The following UTRN variants were observed in gnomAD, a reference collection of about 807,000 sequenced individuals.
UTRN encodes the protein utrophin, also known as dystrophin-related protein 1.
UTRN carries 283 observed loss-of-function variants against 463.9 expected under a neutral mutation model. The observed-to-expected ratio is 0.61, with a 90% CI of 0.55 to 0.67. The LOEUF is 0.67. Among genes scored for constraint, UTRN ranks in the 30% least tolerant of loss-of-function variants. UTRN has a pLI of 0.00. For synonymous variants in UTRN, 1,442 were observed against 1,431.5 expected (o/e 1.01, Z -0.17); for missense variants, 3,922 against 4,084.3 (o/e 0.96, Z 1.08).
At chr6:144,576,994 G>C (rs1801499470) in intron 50 of UTRN, 105 bp from the exon 51 acceptor site, 2 of 1,054,996 alleles carry the variant, frequency 1.9e-6, no homozygotes, top group East Asian at 5.2e-5. Context: ...TTGAATAAAA[G>C]GTCCTTTGGG....
At chr6:144,527,601 T>C (rs1796676046) in intron 41 of UTRN, among the ~76,000 whole-genome samples, 1 of 152,268 alleles carries the variant, frequency 6.6e-6, no homozygotes, top group Non-Finnish European at 1.5e-5. Context: ...TAGATACTTT[T>C]GGATTTCTCT....
rs749044367 is a variant in UTRN, at chr6:144,440,450, T to C, written c.1491T>C (p.Ala497=). 6.2e-7 allele frequency: 1 copy of C among 1,614,182 alleles called. No homozygotes were observed. The highest frequency in any genetic ancestry group is 1.7e-5 in the Admixed American group (1 of 60,022). The change falls in exon 13 of 75, where the codon GCT becomes GCC. Residue 497 remains alanine, a synonymous_variant. Transcript: ENST00000367545. ...VDENSGESAT[A]ILEDQLQKLG... is the part of the protein sequence containing the mutation. ...AAAACAGTGGTGAGAGTGCTACAGC[T>C]ATCCTAGAAGACCAGTTACAGGTAA...
At chr6:144,685,429 CT>C (rs2128688432) in intron 52 of UTRN, among the ~76,000 whole-genome samples, 1 of 152,078 alleles carries the variant, frequency 6.6e-6, no homozygotes, top group East Asian at 1.9e-4. Flanking sequence ...AGTGGATGTA[CT>C]TTTAGTTCTT....
intron 2 of UTRN, among the ~76,000 whole-genome samples, chr6:144,360,155 C>G (rs1174117938): frequency 7.4e-6 from 1 of 135,172 alleles, no homozygotes; most frequent in Non-Finnish European, 1.6e-5. Context: ...TCTTTTCTCT[C>G]TTTCCTTTCT....
intron 65 of UTRN, among the ~76,000 whole-genome samples, chr6:144,809,040 G>T (rs2128749323): frequency 6.6e-6 from 1 of 152,222 alleles, no homozygotes; most frequent in African/African-American, 2.4e-5. Context: ...GGGATTACTG[G>T]ATGATATGAT....
chr6:144,346,910 T>TATCTATC (rs1562275394), intron 2 of UTRN, among the ~76,000 whole-genome samples: 101 of 146,390 alleles, frequency 6.9e-4, no homozygotes, highest in African/African-American at 2.5e-3. Context: ...ATCTATCATC[T>TATCTATC]ATCTATCTAT....
intron 43 of UTRN, among the ~76,000 whole-genome samples, chr6:144,535,758 A>G (rs1293209693): frequency 6.6e-6 from 1 of 152,186 alleles, no homozygotes; most frequent in Non-Finnish European, 1.5e-5. Flanking sequence ...AAGTATTTGC[A>G]TAGTTCAGCA....
intron 51 of UTRN, among the ~76,000 whole-genome samples, chr6:144,590,320 A>G (rs913066170): frequency 1.3e-5 from 2 of 152,326 alleles, no homozygotes; most frequent in African/African-American, 4.8e-5. Flanking sequence ...ATTTCCATCC[A>G]TATTAAAATA....
intron 51 of UTRN, among the ~76,000 whole-genome samples, chr6:144,587,901 G>C (rs1802624026): frequency 6.6e-6 from 1 of 152,078 alleles, no homozygotes; most frequent in African/African-American, 2.4e-5. Flanking sequence ...TTGATCATAT[G>C]AGTTGTCTCT....
At chr6:144,803,234 CT>C in intron 65 of UTRN, 87 bp downstream of exon 65, 1 of 836,262 alleles carries the variant, frequency 1.2e-6, no homozygotes. Context: ...TAGACTTAAT[CT>C]TTTTTGAAAA....
intron 73 of UTRN, among the ~76,000 whole-genome samples, chr6:144,842,699 CTATT>C (rs1453646959): frequency 6.6e-6 from 1 of 152,138 alleles, no homozygotes; most frequent in African/African-American, 2.4e-5. Context: ...ATGAATATAT[CTATT>C]TGTGTTTTGC....
At chr6:144,473,371 C>G (rs927957709) in intron 23 of UTRN, among the ~76,000 whole-genome samples, 12 of 152,118 alleles carry the variant, frequency 7.9e-5, no homozygotes, top group Admixed American at 5.9e-4. Flanking sequence ...AAAAATTGTT[C>G]TAAATTATAT....
intron 52 of UTRN, among the ~76,000 whole-genome samples, chr6:144,699,483 T>TG (rs1162058529): frequency 7.4e-6 from 1 of 134,626 alleles, no homozygotes; most frequent in Non-Finnish European, 1.6e-5. Context: ...GTTTTTTTTT[T>TG]TTTTTTTTTT....
At chr6:144,439,879 A>G in intron 12 of UTRN, among the ~76,000 whole-genome samples, 1 of 152,184 alleles carries the variant, frequency 6.6e-6, no homozygotes, top group East Asian at 1.9e-4. Flanking sequence ...AGGTGTCCAT[A>G]CTTCTTTAAC....
chr6:144,314,959 CT>C (rs930600242), intron 2 of UTRN, among the ~76,000 whole-genome samples: 10 of 151,298 alleles, frequency 6.6e-5, no homozygotes, highest in African/African-American at 2.4e-4. Context: ...TATTTTTTTC[CT>C]TATTTATTTA....
intron 51 of UTRN, among the ~76,000 whole-genome samples, chr6:144,626,832 G>A (rs1316661134): frequency 1.3e-5 from 2 of 152,040 alleles, no homozygotes; most frequent in South Asian, 2.1e-4. Flanking sequence ...TAGAGATGGC[G>A]TTTCACCGTG....
rs1586508441 is a variant in UTRN, at chr6:144,774,323, G to A, written c.8591G>A (p.Arg2864His). ...AATAATGTACGTTTTTCTGCCTACC[G>A]TACAGCAATCAAAATCCGAAGACTA... ...DLNNVRFSAY[R>H]TAIKIRRLQK... The change falls in exon 60 of 75, where the codon CGT becomes CAT. Residue 2864 changes from arginine (R) to histidine (H), a missense_variant. Physicochemically the swap from Arg to His is conservative, Grantham distance 29. This residue lies in a region of UTRN where 1,309 missense variants were observed against 1,452.6 expected (regional missense o/e 0.90). Coordinates refer to ENST00000367545, the MANE Select transcript of UTRN (RefSeq NM_007124.3). The A allele has an allele frequency of 4.4e-6, 7 of 1,600,358 alleles. No individual in the cohort carries two copies. Among genetic ancestry groups the A allele is most frequent in the Admixed American group, 1.8e-5 (1 of 57,042 alleles).
intron 51 of UTRN, among the ~76,000 whole-genome samples, chr6:144,613,493 A>G (rs1382047618): frequency 6.6e-6 from 1 of 152,066 alleles, no homozygotes; most frequent in Non-Finnish European, 1.5e-5. Context: ...GTGTACCACT[A>G]TGGTTTTTCA....
At chr6:144,576,666 T>C (rs1255814212) in intron 50 of UTRN, among the ~76,000 whole-genome samples, 1 of 152,156 alleles carries the variant, frequency 6.6e-6, no homozygotes, top group Non-Finnish European at 1.5e-5. Flanking sequence ...GGTAATTGTA[T>C]TGACTTACAT....
Sources: gnomAD v4.1 joint callset for allele counts (sites outside exome capture counted in the v4.1 genomes callset) on GRCh38, gnomAD v4.1.1 for gene constraint, gnomAD v4.1.1 regional missense constraint, MANE v1.5 for transcripts, NCBI Gene and HGNC (gene_info 2026-07-23, HGNC 2026-07-21) for gene names.